The following KCNN3 variants were observed in gnomAD, a reference collection of about 807,000 sequenced individuals.
KCNN3 encodes the protein small conductance calcium-activated potassium channel protein 3.
A neutral mutation model predicts 62.9 loss-of-function variants in KCNN3; 16 were observed. The ratio of observed to expected loss-of-function variants is 0.25; its 90% CI spans 0.17 to 0.39. KCNN3 has a LOEUF of 0.39. KCNN3 is among the 10% of genes least tolerant of loss of function. The pLI, the probability that KCNN3 is intolerant of heterozygous loss-of-function variation, is 1.00. For missense variants in KCNN3, 599 were observed against 949.4 expected, an observed-to-expected ratio of 0.63 and a Z score of 4.85; for synonymous variants, 370 against 389.2, an observed-to-expected ratio of 0.95 and a Z score of 0.58.
At chr1:154,806,040 G>A (rs954629606) in intron 2 of KCNN3, among the ~76,000 whole-genome samples, 2 of 152,172 alleles carry the variant, frequency 1.3e-5, no homozygotes. Context: ...CTAGAGCCCC[G>A]TGATGTCCGT....
At chr1:154,709,689 C>T (rs138488377) in intron 7 of KCNN3, among the ~76,000 whole-genome samples, 158 of 152,326 alleles carry the variant, frequency 1.0e-3, no homozygotes, top group Non-Finnish European at 1.7e-3. Flanking sequence ...CTGCTGTTGC[C>T]AGAGCAGGAC....
intron 1 of KCNN3, among the ~76,000 whole-genome samples, chr1:154,840,821 G>A (rs1176749572): frequency 6.6e-6 from 1 of 152,224 alleles, no homozygotes; most frequent in Non-Finnish European, 1.5e-5. Context: ...GCAGAGTGGA[G>A]AGCTCCAAAG....
At chr1:154,798,453 C>T (rs1012286437) in intron 2 of KCNN3, among the ~76,000 whole-genome samples, 9 of 152,218 alleles carry the variant, frequency 5.9e-5, no homozygotes, top group African/African-American at 1.9e-4. Flanking sequence ...CAAAGTCTCA[C>T]ACATTGAACA....
intron 1 of KCNN3, among the ~76,000 whole-genome samples, chr1:154,844,078 C>A (rs1044877858): frequency 2.6e-5 from 4 of 152,346 alleles, no homozygotes; most frequent in Admixed American, 1.3e-4. Flanking sequence ...CAGAAGGGGA[C>A]TCCACCCAAG....
At chr1:154,739,867 G>A (rs1700793172) in intron 3 of KCNN3, among the ~76,000 whole-genome samples, 1 of 152,264 alleles carries the variant, frequency 6.6e-6, no homozygotes, top group African/African-American at 2.4e-5. Context: ...CTTAGAAGCA[G>A]GTGTTCTTTA....
In KCNN3 at chr1:154,734,582, C is replaced by A. The variant is rs111919555; in HGVS notation, c.1449-1438G>T. ...CAAATGCTGCTTTTCCTTCCCTTGG[C>A]GCCTTAAGTGAGGCGTGCAGGGCAG... On this transcript the variant is annotated intron_variant, in intron 3 of 7. Coordinates refer to ENST00000271915, the MANE Select transcript of KCNN3 (RefSeq NM_002249.6). Among the ~76,000 whole-genome samples the A allele has an allele frequency of 4.5e-4, 68 of 152,268 alleles. 1 individual carries two copies. The highest frequency in any genetic ancestry group is 1.6e-3 in the African/African-American group (68 of 41,550).
At position 154,701,369 on chromosome 1, in the gene KCNN3, T is replaced by TGAGG. The variant is rs1699848053; in HGVS notation, c.*6603_*6606dup. ...ATTGCACCAAAGCAACAACAGCAAGTGAGGGTCCCAGGTGAGAAGAGGCTC... is the reference window on the plus strand; with the variant it reads ...ATTGCACCAAAGCAACAACAGCAAGTGAGGGAGGGTCCCAGGTGAGAAGAGGCTC... On this transcript the variant is annotated 3_prime_UTR_variant, in exon 8 of 8. Transcript: ENST00000271915. 1 of 152,176 alleles carries TGAGG rather than the reference T, an allele frequency of 6.6e-6. No individual in the cohort carries two copies. The highest frequency in any genetic ancestry group is 2.4e-5 in the African/African-American group (1 of 41,420). 9.4% of individuals were successfully genotyped at this position (152,176 alleles called of 1,614,324 possible).
chr1:154,802,288 G>A (rs1649991353), intron 2 of KCNN3, among the ~76,000 whole-genome samples: 1 of 152,164 alleles, frequency 6.6e-6, no homozygotes, highest in Non-Finnish European at 1.5e-5. Context: ...GGTTGATGTG[G>A]GCTTACTGAG....
intron 1 of KCNN3, among the ~76,000 whole-genome samples, chr1:154,844,835 G>A (rs1295045852): frequency 6.6e-6 from 1 of 151,994 alleles, no homozygotes; most frequent in Non-Finnish European, 1.5e-5. Context: ...GTGAAACCCC[G>A]CCTCTACTAA....
At chr1:154,859,054 C>T (rs1652651040) in intron 1 of KCNN3, among the ~76,000 whole-genome samples, 1 of 152,202 alleles carries the variant, frequency 6.6e-6, no homozygotes, top group South Asian at 2.1e-4. Context: ...TCCACCAATG[C>T]CATCCAGCTC....
Position 154,862,328 on chromosome 1 carries a change from T to G in KCNN3, c.933+6704A>C, listed in dbSNP as rs971955758. Among the ~76,000 whole-genome samples, 1 of 151,212 alleles carries G rather than the reference T, an allele frequency of 6.6e-6. No homozygotes were observed. Among genetic ancestry groups the G allele is most frequent in the East Asian group, 1.9e-4 (1 of 5,130 alleles). On this transcript the variant is annotated intron_variant, in intron 1 of 7. Coordinates refer to ENST00000271915, the MANE Select transcript of KCNN3 (RefSeq NM_002249.6). This position sits in a 1 kb window ranked among gnomAD's most constrained non-coding sequence, Gnocchi z 4.1. ...GTGAGGGTCATGAGGGACCCAGGGG[T>G]GAAAATGCCTTGTAAGATGTAAGAT...
intron 1 of KCNN3, among the ~76,000 whole-genome samples, chr1:154,866,002 G>C (rs1652942901): frequency 6.6e-6 from 1 of 152,124 alleles, no homozygotes; most frequent in African/African-American, 2.4e-5. Flanking sequence ...TCCAGCAAAA[G>C]AGTGTCACCC....
chr1:154,769,428 C>CAG (rs146624307), intron 3 of KCNN3, among the ~76,000 whole-genome samples: 41 of 150,524 alleles, frequency 2.7e-4, no homozygotes, highest in East Asian at 5.8e-4. Context: ...CCCATGTCTG[C>CAG]AGAGAGAGAG....
intron 2 of KCNN3, among the ~76,000 whole-genome samples, chr1:154,796,450 G>A (rs1649737977): frequency 6.6e-6 from 1 of 151,538 alleles, no homozygotes; most frequent in Admixed American, 6.6e-5. Flanking sequence ...ATTTCCCATT[G>A]GTGCCAAACA....
intron 1 of KCNN3, among the ~76,000 whole-genome samples, chr1:154,851,704 C>T (rs1229478366): frequency 6.6e-6 from 1 of 152,212 alleles, no homozygotes; most frequent in East Asian, 1.9e-4. Flanking sequence ...CAACTCAATG[C>T]TACCACCCAG....
intron 5 of KCNN3, among the ~76,000 whole-genome samples, chr1:154,725,235 T>C (rs1485762042): frequency 6.6e-6 from 1 of 152,202 alleles, no homozygotes; most frequent in Non-Finnish European, 1.5e-5. Context: ...TTAGGTATAT[T>C]TTCAATATAG....
chr1:154,798,929 T>C (rs917623127), intron 2 of KCNN3, among the ~76,000 whole-genome samples: 2 of 151,432 alleles, frequency 1.3e-5, no homozygotes, highest in Non-Finnish European at 2.9e-5. Context: ...TTTTTTTTTT[T>C]TTTTTTGAGA....
At chr1:154,780,394 CTT>C (rs1478160460) in intron 2 of KCNN3, among the ~76,000 whole-genome samples, 1 of 150,414 alleles carries the variant, frequency 6.6e-6, no homozygotes, top group Non-Finnish European at 1.5e-5. Context: ...ACCTGAAAAA[CTT>C]TCACTCTTGC....
chr1:154,828,488 G>A (rs984837327), intron 1 of KCNN3, among the ~76,000 whole-genome samples: 1 of 152,100 alleles, frequency 6.6e-6, no homozygotes, highest in African/African-American at 2.4e-5. Context: ...AGTCATGGGG[G>A]GGCTAACGAA....
Sources: allele counts gnomAD v4.1 joint callset (sites outside exome capture counted in the v4.1 genomes callset), GRCh38; gene constraint gnomAD v4.1.1; non-coding constraint Gnocchi (gnomAD v3.1); transcripts MANE v1.5; gene names NCBI Gene and HGNC (gene_info 2026-07-23, HGNC 2026-07-21).